The following CDC37L1 variants were observed in gnomAD, a reference collection of about 807,000 sequenced individuals.
CDC37L1 encodes cell division cycle 37 like 1, HSP90 cochaperone.
A neutral mutation model predicts 45.9 loss-of-function variants in CDC37L1; 32 were observed. The ratio of observed to expected loss-of-function variants is 0.70; its 90% CI spans 0.53 to 0.94. The LOEUF (loss-of-function observed/expected upper bound fraction) is 0.94, where lower values mean the gene tolerates loss of function less well. Among genes scored for constraint, CDC37L1 ranks in the 40% least tolerant of loss-of-function variants. The probability of loss-of-function intolerance (pLI) is 0.00; values close to 1 mark genes in which losing one functional copy is unlikely to be tolerated. For missense variants in CDC37L1, 434 were observed against 405.7 expected, an observed-to-expected ratio of 1.07 and a Z score of -0.60; for synonymous variants, 150 against 133.0, an observed-to-expected ratio of 1.13 and a Z score of -0.88.
chr9:4,705,273 T>C (rs1440090518), intron 6 of CDC37L1, among the ~76,000 whole-genome samples: 2 of 152,120 alleles, frequency 1.3e-5, no homozygotes, highest in Non-Finnish European at 2.9e-5. Context: ...GTAGACAAAA[T>C]TGAATTGGGG....
intron 2 of CDC37L1, among the ~76,000 whole-genome samples, chr9:4,688,225 C>G (rs1271311341): frequency 6.6e-6 from 1 of 152,182 alleles, no homozygotes; most frequent in African/African-American, 2.4e-5. Context: ...GTCTTGAACT[C>G]CTGACCTCGT....
At chr9:4,680,768 T>A (rs1373230387) in intron 1 of CDC37L1, among the ~76,000 whole-genome samples, 1 of 152,210 alleles carries the variant, frequency 6.6e-6, no homozygotes, top group African/African-American at 2.4e-5. Flanking sequence ...GGATCATAAG[T>A]GTCTGCCGCC....
Position 4,708,386 on chromosome 9 carries a change from AT to A in CDC37L1, c.*2279del, listed in dbSNP as rs1207261191. 10 of 149,208 alleles carry A rather than the reference AT, an allele frequency of 6.7e-5. No individual in the cohort carries two copies. Among genetic ancestry groups the A allele is most frequent in the South Asian group, 2.2e-4 (1 of 4,598 alleles). 9.2% of individuals were successfully genotyped at this position (149,208 alleles called of 1,614,324 possible). A position where few individuals can be genotyped will look rare whatever the true frequency, so the allele number is the denominator to read the frequency against. On this transcript the variant is annotated 3_prime_UTR_variant, in exon 7 of 7. Coordinates refer to ENST00000381854, the MANE Select transcript of CDC37L1 (RefSeq NM_017913.4). Reference sequence around the variant, plus strand: ...ATAAAATTAATATTTGAATAAAAAAATTTTTAAATCAAATAGCTGTCCATTT... The same window carrying A: ...ATAAAATTAATATTTGAATAAAAAAATTTTAAATCAAATAGCTGTCCATTT...
intron 6 of CDC37L1, among the ~76,000 whole-genome samples, chr9:4,704,329 C>T (rs908193324): frequency 6.6e-6 from 1 of 152,168 alleles, no homozygotes; most frequent in Non-Finnish European, 1.5e-5. Context: ...TATTATGCTT[C>T]ACTGCTTATT....
intron 2 of CDC37L1, 161 bp downstream of exon 2, chr9:4,685,319 T>G (rs1255295593): frequency 1.7e-6 from 1 of 592,254 alleles, no homozygotes; most frequent in Non-Finnish European, 3.0e-6. Flanking sequence ...TCAAAAAGTC[T>G]CAAAGCTCTT....
At chr9:4,683,353 A>G (rs1190188790) in intron 1 of CDC37L1, among the ~76,000 whole-genome samples, 1 of 151,982 alleles carries the variant, frequency 6.6e-6, no homozygotes, top group African/African-American at 2.4e-5. Context: ...ACAAATAAGC[A>G]TGATATTGTA....
intron 6 of CDC37L1, chr9:4,703,085 G>C: frequency 6.5e-7 from 1 of 1,541,360 alleles, no homozygotes; most frequent in East Asian, 2.5e-5. Flanking sequence ...CTCATTTCCA[G>C]GCTCCAAGAT....
intron 1 of CDC37L1, among the ~76,000 whole-genome samples, chr9:4,681,161 T>G (rs2130840383): frequency 6.6e-6 from 1 of 152,330 alleles, no homozygotes; most frequent in South Asian, 2.1e-4. Flanking sequence ...ATTGTCAATT[T>G]TGAAGGCATA....
chr9:4,704,120 C>A (rs1476133792), intron 6 of CDC37L1, among the ~76,000 whole-genome samples: 1 of 152,144 alleles, frequency 6.6e-6, no homozygotes, highest in African/African-American at 2.4e-5. Flanking sequence ...AAAATCTTAC[C>A]ATAATAATAA....
At chr9:4,697,607 T>A (rs1166381515) in intron 4 of CDC37L1, 150 bp from the exon 5 acceptor site, 2 of 500,752 alleles carry the variant, frequency 4.0e-6, no homozygotes. Context: ...AAAAAAAAAC[T>A]AAGATATACT....
intron 6 of CDC37L1, among the ~76,000 whole-genome samples, chr9:4,704,923 A>C (rs1841428912): frequency 6.6e-6 from 1 of 152,112 alleles, no homozygotes; most frequent in African/African-American, 2.4e-5. Context: ...TTGCTTTACT[A>C]AATAGAGGCA....
At chr9:4,702,062 C>G (rs1841403247) in intron 6 of CDC37L1, 34 bp downstream of exon 6, 8 of 1,135,222 alleles carry the variant, frequency 7.0e-6, no homozygotes, top group Non-Finnish European at 9.5e-6. Context: ...GTTTTATAAG[C>G]CTATTAATTC....
chr9:4,702,070 T>A, intron 6 of CDC37L1, 42 bp downstream of exon 6: 2 of 1,096,770 alleles, frequency 1.8e-6, no homozygotes, highest in Non-Finnish European at 2.5e-6. Context: ...AGCCTATTAA[T>A]TCACATAATT....
intron 3 of CDC37L1, among the ~76,000 whole-genome samples, chr9:4,688,857 A>G (rs1463897169): frequency 6.6e-6 from 1 of 152,038 alleles, no homozygotes; most frequent in African/African-American, 2.4e-5. Flanking sequence ...CCTTTAAGAC[A>G]ACTTTATGTA....
At chr9:4,692,272 G>GTT (rs920971809) in intron 3 of CDC37L1, among the ~76,000 whole-genome samples, 5 of 142,854 alleles carry the variant, frequency 3.5e-5, no homozygotes, top group Non-Finnish European at 6.2e-5. Flanking sequence ...TGATTTTAAT[G>GTT]TTTTTTTTTT....
rs138614276 is a variant in CDC37L1 at position 4,679,846 on chromosome 9, G to T, written c.79G>T (p.Asp27Tyr). The T allele has an allele frequency of 6.2e-7, 1 of 1,613,864 alleles. No homozygotes were observed. The highest frequency in any genetic ancestry group is 8.5e-7 in the Non-Finnish European group (1 of 1,179,984). The change falls in exon 1 of 7, where the codon GAC becomes TAC. Residue 27 changes from aspartate to tyrosine, a missense_variant. Transcript: ENST00000381854. ...TGAGGCTGAGGAAGAGAGTGACTTCGACGTGTTCCCCAGTTCTCCCCGCTG... is the reference window on the plus strand; with the variant it reads ...TGAGGCTGAGGAAGAGAGTGACTTCTACGTGTTCCCCAGTTCTCCCCGCTG... ...EGEAEEESDF[D>Y]VFPSSPRCPQ...
Position 4,707,093 on chromosome 9 carries a change from G to C in CDC37L1, c.*981G>C, listed in dbSNP as rs546312708. ...GAAATCTTGTAGTGCTAACTGCCTT[G>C]AGCTGCCAATTACCTATTTCTGAGA... is the stretch of plus-strand genomic sequence containing the variant. On this transcript the variant is annotated 3_prime_UTR_variant, in exon 7 of 7. Transcript: ENST00000381854. 2 of 151,934 alleles carry C rather than the reference G, an allele frequency of 1.3e-5. No individual in the cohort carries two copies. Among genetic ancestry groups the C allele is most frequent in the Non-Finnish European group, 2.9e-5 (2 of 67,988 alleles). The allele number at this position is 151,934 out of a possible 1,614,324, so 9.4% of individuals were successfully genotyped here. A position where few individuals can be genotyped will look rare whatever the true frequency, so the allele number is the denominator to read the frequency against.
intron 3 of CDC37L1, among the ~76,000 whole-genome samples, chr9:4,693,409 C>T (rs1430614990): frequency 2.6e-5 from 4 of 151,968 alleles, no homozygotes; most frequent in Non-Finnish European, 5.9e-5. Context: ...CACCAGTGTA[C>T]TCTAGCCTAG....
chr9:4,688,086 C>T (rs959130666), intron 2 of CDC37L1, among the ~76,000 whole-genome samples: 3 of 152,212 alleles, frequency 2.0e-5, no homozygotes, highest in African/African-American at 7.2e-5. Flanking sequence ...CAACCTCTGC[C>T]TCCTGGGTTC....
Sources: gnomAD v4.1 joint callset for allele counts (sites outside exome capture counted in the v4.1 genomes callset) on GRCh38, gnomAD v4.1.1 for gene constraint, MANE v1.5 for transcripts, NCBI Gene and HGNC (gene_info 2026-07-23, HGNC 2026-07-21) for gene names.